The following INSL6 variants were observed in gnomAD, a reference collection of about 807,000 sequenced individuals.
INSL6 encodes insulin-like peptide INSL6.
A neutral mutation model predicts 9.4 loss-of-function variants in INSL6; 16 were observed. The observed-to-expected ratio is 1.70, with a 90% confidence interval of 1.15 to 2.59. The LOEUF is 2.59. Ranked by LOEUF, INSL6 falls within the 30% of genes most tolerant of loss-of-function variation. The pLI, the probability that INSL6 is intolerant of heterozygous loss-of-function variation, is 0.00. For missense variants in INSL6, 391 were observed against 257.3 expected (o/e 1.52, Z -3.56); for synonymous variants, 154 against 96.9 (o/e 1.59, Z -3.46).
chr9:5,144,525 G>C (rs1241038976), intron 2 of INSL6, among the ~76,000 whole-genome samples: 1 of 152,112 alleles, frequency 6.6e-6, no homozygotes, highest in African/African-American at 2.4e-5. Flanking sequence ...CTGAGTTCAG[G>C]TCCTGTATAT....
the INSL6 span, among the ~76,000 whole-genome samples, chr9:5,039,027 G>A: frequency 1.3e-5 from 2 of 152,086 alleles, no homozygotes; most frequent in South Asian, 2.1e-4. Flanking sequence ...AAGGGCATCT[G>A]TAAAAAATTC....
the INSL6 span, among the ~76,000 whole-genome samples, chr9:5,118,090 A>C: frequency 1.3e-5 from 2 of 152,192 alleles, no homozygotes; most frequent in Non-Finnish European, 2.9e-5. Context: ...ACTGAATCTA[A>C]ATAGTGCTTG....
chr9:5,151,645 A>G (rs1052439024), intron 2 of INSL6, among the ~76,000 whole-genome samples: 3 of 152,178 alleles, frequency 2.0e-5, no homozygotes, highest in African/African-American at 7.2e-5. Flanking sequence ...ACCAAAAACG[A>G]AAGTTTAAAG....
At chr9:5,031,818 C>A in the INSL6 span, among the ~76,000 whole-genome samples, 1 of 152,212 alleles carries the variant, frequency 6.6e-6, no homozygotes, top group Non-Finnish European at 1.5e-5. Flanking sequence ...CAGTCTACAG[C>A]TCCCAGCATG....
chr9:5,085,877 T>C, the INSL6 span: 8 of 794,282 alleles, frequency 1.0e-5, no homozygotes, highest in Non-Finnish European at 1.6e-5. Context: ...TAAGTTCTGT[T>C]GTTGATATGA....
chr9:5,157,526 A>G (rs951024332), intron 2 of INSL6, among the ~76,000 whole-genome samples: 1 of 151,438 alleles, frequency 6.6e-6, no homozygotes, highest in East Asian at 1.9e-4. Context: ...AATTTGCAGG[A>G]AAAAAAAAGA....
At chr9:5,029,636 G>T in the INSL6 span, 4 of 593,996 alleles carry the variant, frequency 6.7e-6, no homozygotes, top group Non-Finnish European at 1.2e-5. Flanking sequence ...CAGTTGTAGG[G>T]GTTGGTATAT....
the INSL6 span, among the ~76,000 whole-genome samples, chr9:5,088,238 T>TG: frequency 1.3e-5 from 2 of 152,288 alleles, no homozygotes; most frequent in South Asian, 4.1e-4. Context: ...TTGAGAGTCC[T>TG]GGGTCTATCC....
At chr9:5,072,215 A>G in the INSL6 span, among the ~76,000 whole-genome samples, 15 of 152,326 alleles carry the variant, frequency 9.8e-5, no homozygotes, top group East Asian at 3.9e-4. Flanking sequence ...CACTGACTCT[A>G]TTTTTAAAAA....
At chr9:5,144,443 T>C (rs1311061555) in intron 2 of INSL6, among the ~76,000 whole-genome samples, 2 of 152,166 alleles carry the variant, frequency 1.3e-5, no homozygotes, top group Non-Finnish European at 2.9e-5. Flanking sequence ...TTTTAGAGTA[T>C]GCCAAGTGGT....
chr9:5,104,677 C>G, the INSL6 span, among the ~76,000 whole-genome samples: 3 of 152,166 alleles, frequency 2.0e-5, no homozygotes, highest in Admixed American at 6.5e-5. Flanking sequence ...CTGGCAAACC[C>G]AATCCAGCAG....
chr9:5,053,067 T>C, the INSL6 span, among the ~76,000 whole-genome samples: 1 of 152,134 alleles, frequency 6.6e-6, no homozygotes, highest in African/African-American at 2.4e-5. Flanking sequence ...GAGGAACTGC[T>C]TAACTTTTCA....
chr9:5,105,568 C>G, the INSL6 span, among the ~76,000 whole-genome samples: 17 of 152,134 alleles, frequency 1.1e-4, 1 homozygote, highest in Non-Finnish European at 1.9e-4. Flanking sequence ...CAACTACTTT[C>G]AAGTTCATAT....
chr9:5,050,775 G>C, the INSL6 span: 1 of 1,613,558 alleles, frequency 6.2e-7, no homozygotes, highest in Non-Finnish European at 8.5e-7. Flanking sequence ...TGTTAGATAT[G>C]ATGAGAATAG....
At chr9:5,046,555 C>T in the INSL6 span, among the ~76,000 whole-genome samples, 6 of 152,092 alleles carry the variant, frequency 3.9e-5, no homozygotes, top group Admixed American at 3.9e-4. Flanking sequence ...GGCATTGGGT[C>T]CATTTTGAGT....
the INSL6 span, chr9:5,073,739 C>A: frequency 6.8e-5 from 109 of 1,612,382 alleles, no homozygotes; most frequent in Non-Finnish European, 8.8e-5. Flanking sequence ...AGCTTTCTCA[C>A]AAGCATTTGG....
intron 2 of INSL6, among the ~76,000 whole-genome samples, chr9:5,145,607 C>T (rs1824587496): frequency 6.6e-6 from 1 of 152,172 alleles, no homozygotes; most frequent in Non-Finnish European, 1.5e-5. Flanking sequence ...CAGTTGCAGG[C>T]TGGGTCTCTT....
chr9:5,139,217 G>GGT (rs1283918522), intron 2 of INSL6, among the ~76,000 whole-genome samples: 3 of 151,924 alleles, frequency 2.0e-5, no homozygotes, highest in Non-Finnish European at 4.4e-5. Context: ...CATTCTAATG[G>GGT]GTGTGTAGTA....
the INSL6 span, chr9:5,096,691 C>T: frequency 1.3e-5 from 2 of 152,164 alleles, no homozygotes; most frequent in Non-Finnish European, 2.9e-5. Context: ...TGATTGTTTT[C>T]AACCAATCAC....
Sources: allele counts gnomAD v4.1 joint callset (sites outside exome capture counted in the v4.1 genomes callset), GRCh38; gene constraint gnomAD v4.1.1; transcripts MANE v1.5; gene names NCBI Gene and HGNC (gene_info 2026-07-23, HGNC 2026-07-21).